The following XPNPEP1 variants were observed in gnomAD, a reference collection of about 807,000 sequenced individuals.
The protein encoded by XPNPEP1 is X-prolyl aminopeptidase 1, also known as xaa-Pro aminopeptidase 1.
In XPNPEP1, 39 loss-of-function variants were observed where a neutral mutation model predicts 92.4. The ratio of observed to expected loss-of-function variants is 0.42; its 90% CI spans 0.33 to 0.55. XPNPEP1 has a LOEUF of 0.55. Among genes scored for constraint, XPNPEP1 ranks in the 20% least tolerant of loss-of-function variants. XPNPEP1 has a pLI of 0.08. For missense variants in XPNPEP1, 654 were observed against 856.1 expected (o/e 0.76, Z 2.95); for synonymous variants, 307 against 299.4 (o/e 1.03, Z -0.26).
At chr10:109,865,337 C>G in intron 20 of XPNPEP1, 25 bp from the exon 21 acceptor site, 1 of 1,613,774 alleles carries the variant, frequency 6.2e-7, no homozygotes, top group Non-Finnish European at 8.5e-7. Context: ...AGGACAGACA[C>G]GGTATTCACC....
chr10:109,878,154 A>G, intron 12 of XPNPEP1, 96 bp from the exon 13 acceptor site: 2 of 1,430,324 alleles, frequency 1.4e-6, no homozygotes, highest in Non-Finnish European at 9.8e-7. Context: ...CTTTTTCCTC[A>G]ATTGCTTCAT....
At chr10:109,890,887 A>G (rs144955599) in intron 5 of XPNPEP1, among the ~76,000 whole-genome samples, 118 of 152,228 alleles carry the variant, frequency 7.8e-4, no homozygotes, top group African/African-American at 2.7e-3. Context: ...TGTGAGTCTG[A>G]GGACTATTTT....
chr10:109,871,004 A>G lies in XPNPEP1; in HGVS notation c.1523-100T>C, dbSNP rs1481837755. 20 of 1,374,926 alleles carry G rather than the reference A, an allele frequency of 1.5e-5. No individual in the cohort carries two copies. The African/African-American group carries it at 2.3e-4, about 16-fold the overall frequency. 85.2% of individuals were successfully genotyped at this position (1,374,926 alleles called of 1,614,324 possible). ...GAACGTGAAACAGAAACCAATAGGT[A>G]AGTTACTGGAGGGTTCAGATTTCAG... On this transcript the variant is annotated intron_variant, in intron 17 of 20. Transcript: ENST00000502935.
At chr10:109,869,899 C>T (rs1847355007) in intron 19 of XPNPEP1, 54 bp downstream of exon 19, 6 of 1,573,484 alleles carry the variant, frequency 3.8e-6, no homozygotes, top group South Asian at 1.1e-5. Context: ...GAGGTCTATC[C>T]GAGGCGTGAT....
intron 8 of XPNPEP1, among the ~76,000 whole-genome samples, chr10:109,885,126 A>T (rs1045014114): frequency 6.6e-6 from 1 of 152,230 alleles, no homozygotes; most frequent in Non-Finnish European, 1.5e-5. Context: ...ACACTAAGAC[A>T]TGGATTCATG....
At chr10:109,878,903 A>T (rs1847927631) in intron 12 of XPNPEP1, among the ~76,000 whole-genome samples, 1 of 151,988 alleles carries the variant, frequency 6.6e-6, no homozygotes, top group South Asian at 2.1e-4. Flanking sequence ...AAGAAAAAAA[A>T]TTTATCTGCA....
intron 3 of XPNPEP1, among the ~76,000 whole-genome samples, chr10:109,902,581 C>T (rs1249909993): frequency 2.6e-5 from 4 of 152,116 alleles, no homozygotes; most frequent in South Asian, 2.1e-4. Flanking sequence ...AATTTCTCCA[C>T]GTATGTAAGA....
intron 1 of XPNPEP1, 168 bp downstream of exon 1, chr10:109,923,234 C>G (rs1850656364): frequency 1.0e-6 from 1 of 985,268 alleles, no homozygotes; most frequent in Non-Finnish European, 1.2e-6. Flanking sequence ...CTCATGGACC[C>G]CTTCCCCCGG....
chr10:109,870,099 C>T (rs1847371992), intron 18 of XPNPEP1, 70 bp from the exon 19 acceptor site: 3 of 1,534,486 alleles, frequency 2.0e-6, no homozygotes, highest in African/African-American at 2.8e-5. Context: ...GAAACTTTCA[C>T]TCCTTGGATG....
At chr10:109,900,917 GC>G (rs1849251788) in intron 3 of XPNPEP1, among the ~76,000 whole-genome samples, 1 of 152,056 alleles carries the variant, frequency 6.6e-6, no homozygotes, top group Admixed American at 6.5e-5. Flanking sequence ...ATTTGATCCA[GC>G]CATCCTATTA....
Position 109,882,497 on chromosome 10 carries a change from A to G in XPNPEP1, c.976T>C (p.Ser326Pro), listed in dbSNP as rs1430652195. The G allele has an allele frequency of 2.5e-6, 4 of 1,614,140 alleles. No individual in the cohort carries two copies. In the South Asian group the frequency reaches 4.4e-5, roughly 18 times the overall value. ...SELKALCADL[S>P]PREKVWVSDK... The stretch of plus-strand genomic sequence containing the variant: ...CTGACCCACACCTTCTCCCTTGGGG[A>G]GAGGTCAGCACACAGGGCCTTGAGC... The change falls in exon 10 of 21, where the codon TCC (serine) becomes CCC (proline). Residue 326 changes from serine (S) to proline (P), a missense_variant. Ser to Pro is a moderately conservative substitution (Grantham distance 74). Transcript: ENST00000502935.
At chr10:109,870,160 G>T in intron 18 of XPNPEP1, 131 bp from the exon 19 acceptor site, 1 of 992,636 alleles carries the variant, frequency 1.0e-6, no homozygotes, top group Non-Finnish European at 1.5e-6. Context: ...ACTCTATCTG[G>T]TGTAAGAGCC....
chr10:109,916,444 A>G (rs1850197105), intron 1 of XPNPEP1, among the ~76,000 whole-genome samples: 1 of 152,196 alleles, frequency 6.6e-6, no homozygotes, highest in Non-Finnish European at 1.5e-5. Flanking sequence ...GGGCCATAGA[A>G]AAGGTTTTGA....
In XPNPEP1 at chr10:109,923,511, G is replaced by A. The variant is rs571998377; in HGVS notation, c.-78C>T. 5.2e-5 allele frequency: 62 copies of A among 1,195,448 alleles called. No individual in the cohort carries two copies. The highest frequency in any genetic ancestry group is 6.1e-5 in the Non-Finnish European group (59 of 969,376). The allele number at this position is 1,195,448 out of a possible 1,614,324, so 74.1% of individuals were successfully genotyped here. A position where few individuals can be genotyped will look rare whatever the true frequency, so the allele number is the denominator to read the frequency against. On this transcript the variant is annotated 5_prime_UTR_variant, in exon 1 of 21. Coordinates refer to ENST00000502935, the MANE Select transcript of XPNPEP1 (RefSeq NM_020383.4). ...CCCGCGGAAGGGCCGGCGCGAAGGA[G>A]GCGCGAGAGCCGGCGGGCGGGCGGG...
At chr10:109,913,696 C>T (rs1850012706) in intron 2 of XPNPEP1, among the ~76,000 whole-genome samples, 1 of 152,218 alleles carries the variant, frequency 6.6e-6, no homozygotes, top group Non-Finnish European at 1.5e-5. Flanking sequence ...TGCTCTATTA[C>T]ACCATATTAG....
chr10:109,888,321 T>G, intron 6 of XPNPEP1, 129 bp from the exon 7 acceptor site: 1 of 1,362,812 alleles, frequency 7.3e-7, no homozygotes, highest in African/African-American at 1.5e-5. Context: ...GTGTGCAGGA[T>G]GAGGAACTGT....
rs534267418 is a variant in XPNPEP1 at position 109,888,274 on chromosome 10, C to A, written c.509-82G>T. ...GGAGCAGGGCCTTGAAAGTCCAGAA[C>A]CTTCAGAAAGGTGGTCCTGCCATGG... is the stretch of plus-strand genomic sequence containing the variant. On this transcript the variant is annotated intron_variant, in intron 6 of 20. Transcript: ENST00000502935. The A allele has an allele frequency of 7.8e-6, 12 of 1,530,842 alleles. No individual in the cohort carries two copies. The East Asian group carries it at 2.5e-4, about 32-fold the overall frequency. The allele number at this position is 1,530,842 out of a possible 1,614,324, so 94.8% of individuals were successfully genotyped here.
chr10:109,886,205 G>A (rs754550444), intron 8 of XPNPEP1, 41 bp downstream of exon 8: 1 of 1,591,430 alleles, frequency 6.3e-7, no homozygotes. Flanking sequence ...CCAAAGGAGA[G>A]ATCGGGTAAC....
At chr10:109,879,159 G>A (rs942743452) in intron 12 of XPNPEP1, among the ~76,000 whole-genome samples, 9 of 151,560 alleles carry the variant, frequency 5.9e-5, no homozygotes, top group Non-Finnish European at 7.4e-5. Context: ...GGAGAATGGC[G>A]TGAACCCAGG....
Sources: allele counts gnomAD v4.1 joint callset (sites outside exome capture counted in the v4.1 genomes callset), GRCh38; gene constraint gnomAD v4.1.1; transcripts MANE v1.5; gene names NCBI Gene and HGNC (gene_info 2026-07-23, HGNC 2026-07-21).